The following EMB variants were observed in gnomAD, a reference collection of about 807,000 sequenced individuals.
The protein encoded by EMB is embigin homolog.
Under a neutral mutation model 41.4 loss-of-function variants are expected in EMB, and 31 were observed. The ratio of observed to expected loss-of-function variants is 0.75; its 90% CI spans 0.56 to 1.01. The LOEUF (loss-of-function observed/expected upper bound fraction) is 1.01. Among genes scored for constraint, EMB ranks in the 50% least tolerant of loss-of-function variants. The pLI is 0.00. For missense variants in EMB, 379 were observed against 388.3 expected (o/e 0.98, Z 0.20); for synonymous variants, 137 against 140.4 (o/e 0.98, Z 0.17).
intron 2 of EMB, among the ~76,000 whole-genome samples, chr5:50,419,003 T>C (rs1171864204): frequency 6.6e-6 from 1 of 152,170 alleles, no homozygotes; most frequent in East Asian, 1.9e-4. Context: ...ATCTAGAACA[T>C]ATGATAATAC....
intron 2 of EMB, among the ~76,000 whole-genome samples, chr5:50,416,993 C>T (rs1561135378): frequency 6.6e-6 from 1 of 152,166 alleles, no homozygotes; most frequent in Non-Finnish European, 1.5e-5. Context: ...ACTCTTGACA[C>T]ACTGCCCAGG....
chr5:50,439,590 G>T (rs758426293), intron 1 of EMB, among the ~76,000 whole-genome samples: 4 of 151,464 alleles, frequency 2.6e-5, no homozygotes, highest in Non-Finnish European at 4.4e-5. Flanking sequence ...GCGCCCAAAA[G>T]TGCTGGGATT....
chr5:50,396,224 A>G lies in EMB; in HGVS notation c.*3049T>C, dbSNP rs1356114282. The G allele has an allele frequency of 6.6e-6, 1 of 152,150 alleles. No individual in the cohort carries two copies. The highest frequency in any genetic ancestry group is 1.9e-4 in the East Asian group (1 of 5,188). 9.4% of individuals were successfully genotyped at this position (152,150 alleles called of 1,614,324 possible). A position where few individuals can be genotyped will look rare whatever the true frequency, so the allele number is the denominator to read the frequency against. ...ATAAAAGCTTGTTTTTCTTTATTAG[A>G]ATACTTTTTTCAATTCTGATTTGTC... On this transcript the variant is annotated 3_prime_UTR_variant, in exon 9 of 9. Transcript: ENST00000303221.
rs148674387 is a variant in EMB, at chr5:50,440,258, G to T, written c.112+782C>A. 1.1e-3 allele frequency among the ~76,000 whole-genome samples: 175 copies of T among 152,300 alleles called. 1 individual carries two copies. The highest frequency in any genetic ancestry group is 4.1e-3 in the African/African-American group (170 of 41,556). ...GCTCTAAAAAAACATCCTCGGCAAG[G>T]TGAGGTGGCTCACGCCTGTAATCCC... On this transcript the variant is annotated intron_variant, in intron 1 of 8. Transcript: ENST00000303221.
At chr5:50,413,481 TAGA>T (rs1745377413) in intron 2 of EMB, among the ~76,000 whole-genome samples, 1 of 152,194 alleles carries the variant, frequency 6.6e-6, no homozygotes. Flanking sequence ...ACATGGATTA[TAGA>T]AGAACACATT....
chr5:50,434,562 G>A (rs1579745064), intron 1 of EMB, among the ~76,000 whole-genome samples: 2 of 152,272 alleles, frequency 1.3e-5, no homozygotes, highest in Admixed American at 6.5e-5. Context: ...TTTTGGCTAA[G>A]TTACAAAAGC....
intron 1 of EMB, among the ~76,000 whole-genome samples, chr5:50,435,911 C>G (rs1008433058): frequency 2.0e-5 from 3 of 152,092 alleles, no homozygotes; most frequent in African/African-American, 7.2e-5. Flanking sequence ...CATATTGGCT[C>G]CTGTATCTTT....
chr5:50,411,704 AAAC>A (rs1358540020), intron 2 of EMB: 1 of 165,870 alleles, frequency 6.0e-6, no homozygotes, highest in African/African-American at 2.4e-5. Flanking sequence ...GACAGTGTAA[AAAC>A]AGCACAACTG....
At chr5:50,425,403 G>A (rs183569996) in intron 2 of EMB, among the ~76,000 whole-genome samples, 7 of 152,142 alleles carry the variant, frequency 4.6e-5, no homozygotes, top group African/African-American at 1.4e-4. Flanking sequence ...TAACAAGTTG[G>A]TCAAGGAAAC....
chr5:50,415,469 A>T (rs1745414076), intron 2 of EMB, among the ~76,000 whole-genome samples: 1 of 152,220 alleles, frequency 6.6e-6, no homozygotes, highest in South Asian at 2.1e-4. Context: ...CAGTAATATA[A>T]TATAGCAATT....
At chr5:50,406,394 C>A (rs111956791) in intron 4 of EMB, among the ~76,000 whole-genome samples, 5 of 151,656 alleles carry the variant, frequency 3.3e-5, no homozygotes, top group African/African-American at 1.2e-4. Context: ...TTTAAAAATT[C>A]TTTCATGTGG....
At chr5:50,414,430 G>A (rs1305430924) in intron 2 of EMB, among the ~76,000 whole-genome samples, 1 of 150,182 alleles carries the variant, frequency 6.7e-6, no homozygotes, top group African/African-American at 2.5e-5. Flanking sequence ...TCAGGTAGAG[G>A]TGGGAAGATC....
upstream of EMB, among the ~76,000 whole-genome samples, chr5:50,442,028 A>C (rs1368182685): frequency 6.6e-6 from 1 of 152,178 alleles, no homozygotes; most frequent in Non-Finnish European, 1.5e-5. Flanking sequence ...TTAGTGCTTT[A>C]TCCGGGAGGG....
chr5:50,433,028 A>C (rs569821987), intron 1 of EMB, among the ~76,000 whole-genome samples: 3 of 152,200 alleles, frequency 2.0e-5, no homozygotes, highest in Admixed American at 1.3e-4. Context: ...CAGTGAGCTG[A>C]GATCGCATCA....
chr5:50,442,615 C>G (rs370625960), upstream of EMB, among the ~76,000 whole-genome samples: 14 of 152,270 alleles, frequency 9.2e-5, no homozygotes, highest in African/African-American at 3.1e-4. Context: ...TTAAAATCTT[C>G]TGAATGAAAC....
In EMB at chr5:50,397,105, C is replaced by T. The variant is rs1305099958; in HGVS notation, c.*2168G>A. 2 of 152,040 alleles carry T rather than the reference C, an allele frequency of 1.3e-5. No individual in the cohort carries two copies. The highest frequency in any genetic ancestry group is 2.9e-5 in the Non-Finnish European group (2 of 67,992). The allele number at this position is 152,040 out of a possible 1,614,324, so 9.4% of individuals were successfully genotyped here. ...AGCTGGAAAGACTAAGAGAATTCCC[C>T]AAGGTGCCTAATATATAAACTTGGA... On this transcript the variant is annotated 3_prime_UTR_variant, in exon 9 of 9. Transcript: ENST00000303221.
chr5:50,397,155 T>C lies in EMB; in HGVS notation c.*2118A>G, dbSNP rs1439355372. 1.3e-5 allele frequency: 2 copies of C among 152,138 alleles called. No individual in the cohort carries two copies. The highest frequency in any genetic ancestry group is 2.9e-5 in the Non-Finnish European group (2 of 68,016). The allele number at this position is 152,138 out of a possible 1,614,324, so 9.4% of individuals were successfully genotyped here. On this transcript the variant is annotated 3_prime_UTR_variant, in exon 9 of 9. Transcript: ENST00000303221. ...AGTAGTTTTCCTACTTCAACTTTTATGCGGCTTATTATTTGCAGTCAATTT... is the reference window on the plus strand; with the variant it reads ...AGTAGTTTTCCTACTTCAACTTTTACGCGGCTTATTATTTGCAGTCAATTT...
chr5:50,397,786 G>A lies in EMB; in HGVS notation c.*1487C>T, dbSNP rs960029938. 3.3e-5 allele frequency: 5 copies of A among 152,012 alleles called. No homozygotes were observed. Among genetic ancestry groups the A allele is most frequent in the African/African-American group, 1.2e-4 (5 of 41,424 alleles). 9.4% of individuals were successfully genotyped at this position (152,012 alleles called of 1,614,324 possible). ...AAATGAAGTTTGCCATTACCGGGAT[G>A]TATTCAAGTTCAGCAAACTTATATG... is the stretch of plus-strand genomic sequence containing the variant. On this transcript the variant is annotated 3_prime_UTR_variant, in exon 9 of 9. Transcript: ENST00000303221.
Position 50,399,875 on chromosome 5 carries a change from G to A in EMB, c.950C>T (p.Pro317Leu). 6.2e-7 allele frequency: 1 copy of A among 1,603,966 alleles called. No homozygotes were observed. The highest frequency in any genetic ancestry group is 8.5e-7 in the Non-Finnish European group (1 of 1,175,502). The change falls in exon 8 of 9, where the codon CCC (proline) becomes CTC (leucine). Residue 317 changes from proline (P) to leucine (L), a missense_variant. Pro to Leu is a moderately conservative substitution (Grantham distance 98, BLOSUM62 -3). Transcript: ENST00000303221. Reference protein sequence around the residue: ...DDSNGIENNVPRHRKNESLGQ With the variant: ...DDSNGIENNVLRHRKNESLGQ ...GTAACTTACATTTTTTCTATGCCTGGGGACATTATTTTCTATACCATTGCT... is the reference window on the plus strand; with the variant it reads ...GTAACTTACATTTTTTCTATGCCTGAGGACATTATTTTCTATACCATTGCT...
Sources: gnomAD v4.1 joint callset for allele counts (sites outside exome capture counted in the v4.1 genomes callset) on GRCh38, gnomAD v4.1.1 for gene constraint, MANE v1.5 for transcripts, NCBI Gene and HGNC (gene_info 2026-07-23, HGNC 2026-07-21) for gene names.